SPATA6L: variants seen among roughly 807,000 people sequenced by gnomAD.
SPATA6L encodes the protein spermatogenesis associated 6-like protein.
SPATA6L carries 68 observed loss-of-function variants against 49.2 expected under a neutral mutation model. The observed-to-expected ratio is 1.38, with a 90% CI of 1.14 to 1.69. The LOEUF (loss-of-function observed/expected upper bound fraction) is 1.69. Among genes scored for constraint, SPATA6L ranks in the 40% most tolerant of loss-of-function variants. The pLI is 0.00. For missense variants in SPATA6L, 668 were observed against 464.3 expected (o/e 1.44, Z -4.03); for synonymous variants, 198 against 165.7 (o/e 1.19, Z -1.50).
At chr9:4,641,213 T>C (rs1171771448) in intron 3 of SPATA6L, among the ~76,000 whole-genome samples, 1 of 152,130 alleles carries the variant, frequency 6.6e-6, no homozygotes, top group Admixed American at 6.5e-5. Context: ...TAACTATATA[T>C]ACTAAATACT....
At chr9:4,595,642 C>T (rs1435563405), downstream of SPATA6L, among the ~76,000 whole-genome samples, 1 of 152,200 alleles carries the variant, frequency 6.6e-6, no homozygotes, top group Non-Finnish European at 1.5e-5. Flanking sequence ...CTCTTCTCTA[C>T]CTGGTCTGCC....
At chr9:4,636,779 T>C (rs952690725) in intron 3 of SPATA6L, among the ~76,000 whole-genome samples, 4 of 152,186 alleles carry the variant, frequency 2.6e-5, no homozygotes, top group African/African-American at 9.7e-5. Context: ...AGAATCAAAG[T>C]GCAAAAAGAA....
At chr9:4,615,646 A>G (rs2130319596) in intron 9 of SPATA6L, among the ~76,000 whole-genome samples, 1 of 152,248 alleles carries the variant, frequency 6.6e-6, no homozygotes, top group South Asian at 2.1e-4. Context: ...CTGCATTTGG[A>G]TTGTACTTCT....
intron 9 of SPATA6L, among the ~76,000 whole-genome samples, chr9:4,607,064 TG>T (rs1825436690): frequency 1.3e-5 from 2 of 150,708 alleles, no homozygotes; most frequent in Admixed American, 1.3e-4. Context: ...ATGAAATGAA[TG>T]AAATGAAGCG....
At chr9:4,637,352 G>A (rs1284127622) in intron 3 of SPATA6L, among the ~76,000 whole-genome samples, 1 of 152,122 alleles carries the variant, frequency 6.6e-6, no homozygotes, top group Non-Finnish European at 1.5e-5. Flanking sequence ...CAACCTAACA[G>A]AGCACTCCTT....
At chr9:4,614,021 T>A (rs909037834) in intron 9 of SPATA6L, among the ~76,000 whole-genome samples, 1 of 150,794 alleles carries the variant, frequency 6.6e-6, no homozygotes, top group African/African-American at 2.5e-5. Flanking sequence ...AAGCGACTCT[T>A]TCATTTGTTA....
Position 4,662,885 on chromosome 9 carries a change from C to T in SPATA6L, c.40-849G>A, listed in dbSNP as rs1004261065. Reference sequence around the variant, plus strand: ...GGCGCGAGGTGCTGATGAACCTGCTCTTCGCCCTGCTGTTGGACCTGCTGC... The same window carrying T: ...GGCGCGAGGTGCTGATGAACCTGCTTTTCGCCCTGCTGTTGGACCTGCTGC... On this transcript the variant is annotated intron_variant, in intron 1 of 11. Transcript: ENST00000682582. The surrounding 1 kb of genome is among the most constrained non-coding windows in gnomAD (Gnocchi z 4.9). 3.7e-6 allele frequency: 6 copies of T among 1,607,012 alleles called. No individual in the cohort carries two copies. The East Asian group carries it at 6.7e-5, about 18-fold the overall frequency.
chr9:4,631,174 G>C (rs1160340679), intron 4 of SPATA6L, among the ~76,000 whole-genome samples: 1 of 152,180 alleles, frequency 6.6e-6, no homozygotes, highest in East Asian at 1.9e-4. Context: ...GCTGTTTTTA[G>C]CATAACATTA....
At chr9:4,590,649 G>A (rs574339848) in intron 13 of SPATA6L, among the ~76,000 whole-genome samples, 20 of 152,158 alleles carry the variant, frequency 1.3e-4, no homozygotes, top group Non-Finnish European at 2.8e-4. Context: ...CTGCTTTCTA[G>A]AAGGCCCCAG....
Position 4,662,828 on chromosome 9 carries a change from C to T in SPATA6L, c.40-792G>A, listed in dbSNP as rs1346509156. On this transcript the variant is annotated intron_variant, in intron 1 of 11. Transcript: ENST00000682582. This position sits in a 1 kb window ranked among gnomAD's most constrained non-coding sequence, Gnocchi z 4.9. Reference sequence around the variant, plus strand: ...GCATCCCCTGGCTGCTGGGCACCCTCTACTGCCTGTGCAGGAGCGACAGCT... The same window carrying T: ...GCATCCCCTGGCTGCTGGGCACCCTTTACTGCCTGTGCAGGAGCGACAGCT... The T allele has an allele frequency of 6.2e-7, 1 of 1,605,102 alleles. No individual in the cohort carries two copies. The highest frequency in any genetic ancestry group is 8.5e-7 in the Non-Finnish European group (1 of 1,179,962).
intron 2 of SPATA6L, among the ~76,000 whole-genome samples, chr9:4,657,787 G>A (rs556581013): frequency 6.6e-6 from 1 of 152,284 alleles, no homozygotes; most frequent in East Asian, 1.9e-4. Context: ...AAAGTCTCTA[G>A]CTAAAGATTA....
At chr9:4,593,362 C>A (rs1330722514), downstream of SPATA6L, among the ~76,000 whole-genome samples, 1 of 152,086 alleles carries the variant, frequency 6.6e-6, no homozygotes, top group Non-Finnish European at 1.5e-5. Flanking sequence ...TCTAGCTGCC[C>A]AGCCTCACCT....
In SPATA6L at chr9:4,650,068, C is replaced by T. The variant is rs3780399; in HGVS notation, c.226+5973G>A. 8.0e-4 allele frequency among the ~76,000 whole-genome samples: 121 copies of T among 152,166 alleles called. 3 individuals are homozygous for T. The East Asian group carries it at 0.019, about 23-fold the overall frequency. ...ATGCCAAAGCCATCATTTTTTATAC[C>T]CAATTGCCTTGTTGGCTTCATGAGA... is the stretch of plus-strand genomic sequence containing the variant. On this transcript the variant is annotated intron_variant, in intron 3 of 11. Coordinates refer to ENST00000682582, the MANE Select transcript of SPATA6L (RefSeq NM_001353486.2).
chr9:4,593,627 A>T (rs1822046729), downstream of SPATA6L, among the ~76,000 whole-genome samples: 1 of 152,080 alleles, frequency 6.6e-6, no homozygotes, highest in Admixed American at 6.5e-5. Flanking sequence ...CTTCCACAAC[A>T]TTCCTGAAAC....
chr9:4,662,916 G>A lies in SPATA6L; in HGVS notation c.40-880C>T, dbSNP rs2130808729. 1.2e-6 allele frequency: 2 copies of A among 1,609,962 alleles called. No homozygotes were observed. Among genetic ancestry groups the A allele is most frequent in the African/African-American group, 1.3e-5 (1 of 74,978 alleles). On this transcript the variant is annotated intron_variant, in intron 1 of 11. Transcript: ENST00000682582. The surrounding 1 kb of genome is among the most constrained non-coding windows in gnomAD (Gnocchi z 4.9). ...CCTGCTGTTGGACCTGCTGCTGGTG[G>A]CCTTGATCAAAGGGCTGGTCCGCAG... is the stretch of plus-strand genomic sequence containing the variant.
intron 3 of SPATA6L, among the ~76,000 whole-genome samples, chr9:4,650,190 C>A (rs57866827): frequency 6.6e-6 from 1 of 152,146 alleles, no homozygotes; most frequent in Non-Finnish European, 1.5e-5. Context: ...ACCTGGTATG[C>A]CAGCCTGAGA....
intron 3 of SPATA6L, among the ~76,000 whole-genome samples, chr9:4,641,810 T>C (rs1324422125): frequency 6.6e-6 from 1 of 152,242 alleles, no homozygotes; most frequent in Non-Finnish European, 1.5e-5. Flanking sequence ...TCTCACTCTG[T>C]TGCCCAAGCT....
chr9:4,626,540 CT>C, intron 5 of SPATA6L: 1 of 1,304,136 alleles, frequency 7.7e-7, no homozygotes, highest in Non-Finnish European at 1.0e-6. Context: ...AACATCTTCC[CT>C]TTGTTTCCCC....
downstream of SPATA6L, among the ~76,000 whole-genome samples, chr9:4,597,250 A>C (rs1822340974): frequency 6.6e-6 from 1 of 151,828 alleles, no homozygotes; most frequent in Admixed American, 6.6e-5. Flanking sequence ...CCAGGAGTTC[A>C]AGACCAGCCT....
Sources: allele counts gnomAD v4.1 joint callset (sites outside exome capture counted in the v4.1 genomes callset), GRCh38; gene constraint gnomAD v4.1.1; non-coding constraint Gnocchi (gnomAD v3.1); transcripts MANE v1.5; gene names NCBI Gene and HGNC (gene_info 2026-07-23, HGNC 2026-07-21).